Variants in EXOC7 observed in about 807,000 individuals in gnomAD.
EXOC7 encodes the protein exocyst complex component Exo70.
A neutral mutation model predicts 87.6 loss-of-function variants in EXOC7; 51 were observed. That is an observed-to-expected ratio of 0.58 (90% confidence interval 0.46 to 0.73). The LOEUF (loss-of-function observed/expected upper bound fraction) is 0.73, where lower values mean the gene tolerates loss of function less well. Among genes scored for constraint, EXOC7 ranks in the 30% least tolerant of loss-of-function variants. The pLI, the probability that EXOC7 is intolerant of heterozygous loss-of-function variation, is 0.00. For missense variants in EXOC7, 744 were observed against 888.4 expected (o/e 0.84, Z 2.07); for synonymous variants, 327 against 357.1 (o/e 0.92, Z 0.95).
chr17:76,098,009 A>G lies in EXOC7; in HGVS notation c.427T>C (p.Phe143Leu), dbSNP rs2144683618. ...SPELNKVKLL[F>L]ERGKEALESE... The stretch of plus-strand genomic sequence containing the variant: ...TCCAGGGCCTCCTTCCCGCGCTCAA[A>G]GAGCAGTTTCTGCACAGACAACAGA... The change falls in exon 5 of 19, where the codon TTT becomes CTT. Residue 143 changes from phenylalanine to leucine, a missense_variant. Around this residue, in one of 3 missense-constraint regions of EXOC7, gnomAD observed 512 missense variants for 573.0 expected, o/e 0.89. Coordinates refer to ENST00000589210, the MANE Select transcript of EXOC7 (RefSeq NM_001013839.4). 6.2e-7 allele frequency: 1 copy of G among 1,614,166 alleles called. No homozygotes were observed. Among genetic ancestry groups the G allele is most frequent in the Non-Finnish European group, 8.5e-7 (1 of 1,180,018 alleles).
At position 76,082,761 on chromosome 17, in the gene EXOC7, C is replaced by T. The variant is rs560561955; in HGVS notation, c.*887G>A. The stretch of plus-strand genomic sequence containing the variant: ...TAAGCCACCCTGAGCTCTCCCTCCG[C>T]TAGCACACAAGCACAGAGCGTGAAA... On this transcript the variant is annotated 3_prime_UTR_variant, in exon 19 of 19. Coordinates refer to ENST00000589210, the MANE Select transcript of EXOC7 (RefSeq NM_001013839.4). 2 of 1,092,796 alleles carry T rather than the reference C, an allele frequency of 1.8e-6. No individual in the cohort carries two copies. The highest frequency in any genetic ancestry group is 5.2e-5 in the East Asian group (2 of 38,260). The allele number at this position is 1,092,796 out of a possible 1,614,324, so 67.7% of individuals were successfully genotyped here. A position where few individuals can be genotyped will look rare whatever the true frequency, so the allele number is the denominator to read the frequency against.
At position 76,097,869 on chromosome 17, in the gene EXOC7, C is replaced by T. The variant is rs117225564; in HGVS notation, c.567G>A (p.Glu189=). ...DLEAQEDVTL[E]HLPESVLQDV... ...CCTGGAGCACGCTCTCGGGCAGGTG[C>T]TCCAGGGTCACGTCCTCCTGGGCCT... The change falls in exon 5 of 19, where the codon GAG becomes GAA. Residue 189 remains glutamate (E), a synonymous_variant. Coordinates refer to ENST00000589210, the MANE Select transcript of EXOC7 (RefSeq NM_001013839.4). The T allele has an allele frequency of 4.3e-6, 7 of 1,614,112 alleles. No homozygotes were observed. The East Asian group carries it at 1.6e-4, about 36-fold the overall frequency.
In EXOC7 at chr17:76,103,354, G is replaced by C. The variant is rs1170526709; in HGVS notation, c.126+7C>G. ...CTGCCCTCTCCCCCAGCTGCGGGGA[G>C]ACTCACCATGTTCTTAGTGAGCTGG... On this transcript the variant is annotated splice_region_variant and intron_variant, in intron 2 of 18. Coordinates refer to ENST00000589210, the MANE Select transcript of EXOC7 (RefSeq NM_001013839.4). 3.1e-6 allele frequency: 5 copies of C among 1,593,744 alleles called. No individual in the cohort carries two copies. Among genetic ancestry groups the C allele is most frequent in the Admixed American group, 3.5e-5 (2 of 57,262 alleles).
At chr17:76,088,417 G>A (rs574793301) in intron 10 of EXOC7, 47 bp downstream of exon 10, 2 of 1,567,330 alleles carry the variant, frequency 1.3e-6, no homozygotes, top group Admixed American at 1.7e-5. Flanking sequence ...CCAGGTCACT[G>A]TGGTGCTGGG....
chr17:76,094,382 T>C (rs2067645851), intron 6 of EXOC7, 32 bp downstream of exon 6: 1 of 1,599,502 alleles, frequency 6.3e-7, no homozygotes, highest in Non-Finnish European at 8.5e-7. Context: ...AGCCTCTGGC[T>C]GTTGCAGAGA....
Position 76,103,665 on chromosome 17 carries a change from G to A in EXOC7, c.28C>T (p.Arg10Ter), listed in dbSNP as rs770466836. ...AGCTTGTCCTCAATCTCCCGCCGTC[G>A]AGCGGATGCCTCCTGTGGGGGAATC... is the stretch of plus-strand genomic sequence containing the variant. MIPPQEASA[R>*]RREIEDKLKQ... Residue 10 changes from arginine to a stop codon, truncating the protein, a stop_gained, in exon 1 of 19, where the codon CGA (arginine) becomes TGA (stop). Transcript: ENST00000589210. LOFTEE classifies it high-confidence loss of function. 6.2e-7 allele frequency: 1 copy of A among 1,613,172 alleles called. No individual in the cohort carries two copies. Among genetic ancestry groups the A allele is most frequent in the Non-Finnish European group, 8.5e-7 (1 of 1,179,688 alleles).
chr17:76,086,813 T>C, intron 12 of EXOC7: 2 of 1,543,034 alleles, frequency 1.3e-6, no homozygotes, highest in Non-Finnish European at 1.8e-6. Context: ...CCCACCAAGC[T>C]TCAGAGGGAC....
chr17:76,082,064 G>T lies in EXOC7; in HGVS notation c.*1584C>A. ...TCCTGCTGAAGGTGGGCAGGGGCTGGGGGGTAAGGAATGAGGCCTAGGTGC... is the reference window on the plus strand; with the variant it reads ...TCCTGCTGAAGGTGGGCAGGGGCTGTGGGGTAAGGAATGAGGCCTAGGTGC... On this transcript the variant is annotated 3_prime_UTR_variant, in exon 19 of 19. Coordinates refer to ENST00000589210, the MANE Select transcript of EXOC7 (RefSeq NM_001013839.4). 6.3e-7 allele frequency: 1 copy of T among 1,591,412 alleles called. No individual in the cohort carries two copies. Among genetic ancestry groups the T allele is most frequent in the Non-Finnish European group, 8.5e-7 (1 of 1,170,256 alleles).
chr17:76,089,323 G>A lies in EXOC7; in HGVS notation c.902-3C>T, dbSNP rs1334888528. ...CACGTCCAGCATGTCATCTCTCCCT[G>A]GGGGATGGCACAACTCTTGAGCTGC... On this transcript the variant is annotated splice_region_variant and splice_polypyrimidine_tract_variant and intron_variant, in intron 7 of 18. Coordinates refer to ENST00000589210, the MANE Select transcript of EXOC7 (RefSeq NM_001013839.4). 2.5e-6 allele frequency: 4 copies of A among 1,613,648 alleles called. No individual in the cohort carries two copies. In the East Asian group the frequency reaches 8.9e-5, roughly 36 times the overall value.
intron 4 of EXOC7, chr17:76,100,996 A>T (rs2068031756): frequency 2.3e-6 from 1 of 428,638 alleles, no homozygotes; most frequent in Admixed American, 6.0e-5. Context: ...CAACAACAAC[A>T]ACAACAACAA....
At chr17:76,102,198 C>T (rs755678260) in intron 2 of EXOC7, among the ~76,000 whole-genome samples, 6 of 152,158 alleles carry the variant, frequency 3.9e-5, no homozygotes, top group African/African-American at 1.4e-4. Flanking sequence ...ATTCCTAAAC[C>T]GGACTGGAAG....
intron 3 of EXOC7, 71 bp from the exon 4 acceptor site, chr17:76,101,447 G>T: frequency 6.4e-7 from 1 of 1,569,020 alleles, no homozygotes; most frequent in Non-Finnish European, 8.6e-7. Flanking sequence ...CAGTATTTGG[G>T]AAAAAGAAAA....
chr17:76,085,053 G>A, intron 15 of EXOC7: 1 of 530,370 alleles, frequency 1.9e-6, no homozygotes. Context: ...GTCTCTGAGA[G>A]CCAGCTCTTC....
At position 76,088,921 on chromosome 17, in the gene EXOC7, A is replaced by T; in HGVS notation, c.1050T>A (p.Asp350Glu). 1.9e-6 allele frequency: 3 copies of T among 1,612,716 alleles called. No individual in the cohort carries two copies. Among genetic ancestry groups the T allele is most frequent in the Non-Finnish European group, 2.5e-6 (3 of 1,179,898 alleles). ...QKKTFDSLIQ[D>E]ALDGLMLEGE... ...CTTCAAGCATCAGCCCATCCAGGGC[A>T]TCCTGAGGGGGCAGGGAGACAGTTC... The change falls in exon 9 of 19, where the codon GAT (aspartate) becomes GAA (glutamate). Residue 350 changes from aspartate (D) to glutamate (E), a missense_variant and splice_region_variant. Asp to Glu is a conservative substitution (Grantham distance 45). This residue lies in a region of EXOC7 where 512 missense variants were observed against 573.0 expected (regional missense o/e 0.89). Coordinates refer to ENST00000589210, the MANE Select transcript of EXOC7 (RefSeq NM_001013839.4).
rs1173288054 is a variant in EXOC7, at chr17:76,084,273, C to T, written c.1793G>A (p.Arg598Gln). Reference sequence around the variant, plus strand: ...CTTAAAACGCTCCTTGATAATCTGCCGCTCCTTGTCCCGGAGCTGGGAAGC... The same window carrying T: ...CTTAAAACGCTCCTTGATAATCTGCTGCTCCTTGTCCCGGAGCTGGGAAGC... ...QPGVKLRDKE[R>Q]QIIKERFKGF... Residue 598 changes from arginine to glutamine, a missense_variant, in exon 17 of 19, where the codon CGG becomes CAG. By Grantham distance (43) the Arg-to-Gln change is conservative (BLOSUM62 1). Transcript: ENST00000589210. 1 of 1,613,498 alleles carries T rather than the reference C, an allele frequency of 6.2e-7. No homozygotes were observed. The highest frequency in any genetic ancestry group is 8.5e-7 in the Non-Finnish European group (1 of 1,179,992).
intron 11 of EXOC7, 169 bp downstream of exon 11, chr17:76,087,891 T>A: frequency 1.1e-6 from 1 of 939,252 alleles, no homozygotes. Context: ...CCCTGTCTGC[T>A]AGAGACACTA....
In EXOC7 at chr17:76,081,934, T is replaced by G; in HGVS notation, c.*1714A>C. The G allele has an allele frequency of 6.2e-7, 1 of 1,613,304 alleles. No individual in the cohort carries two copies. Among genetic ancestry groups the G allele is most frequent in the Non-Finnish European group, 8.5e-7 (1 of 1,179,872 alleles). On this transcript the variant is annotated 3_prime_UTR_variant, in exon 19 of 19. Coordinates refer to ENST00000589210, the MANE Select transcript of EXOC7 (RefSeq NM_001013839.4). ...TGCTCTTCCTCAGCACCATAGAGACTGTGCTGCTGGCTGGGCTGCTGGCCC... is the reference window on the plus strand; with the variant it reads ...TGCTCTTCCTCAGCACCATAGAGACGGTGCTGCTGGCTGGGCTGCTGGCCC...
rs912131844 is a variant in EXOC7 at position 76,081,461 on chromosome 17, T to A, written c.*2187A>T. 6.2e-7 allele frequency: 1 copy of A among 1,611,372 alleles called. No individual in the cohort carries two copies. The highest frequency in any genetic ancestry group is 1.3e-5 in the African/African-American group (1 of 75,004). ...TGCTGGAGGCGGGTGGGAGTGAGGA[T>A]GCACGGCCAGAGGCCAGGCCCCATG... is the stretch of plus-strand genomic sequence containing the variant. On this transcript the variant is annotated 3_prime_UTR_variant, in exon 19 of 19. Transcript: ENST00000589210.
chr17:76,094,354 A>C, intron 6 of EXOC7, 60 bp downstream of exon 6: 1 of 1,553,312 alleles, frequency 6.4e-7, no homozygotes, highest in Non-Finnish European at 8.7e-7. Context: ...ATTGGACTAA[A>C]GCAGTACAGT....
Sources: gnomAD v4.1 joint callset for allele counts (sites outside exome capture counted in the v4.1 genomes callset) on GRCh38, gnomAD v4.1.1 for gene constraint, gnomAD v4.1.1 regional missense constraint, MANE v1.5 for transcripts, NCBI Gene and HGNC (gene_info 2026-07-23, HGNC 2026-07-21) for gene names.